The following SH2D1B variants were observed in gnomAD, a reference collection of about 807,000 sequenced individuals.
SH2D1B encodes the protein SH2 domain-containing protein 1B.
A neutral mutation model predicts 16.3 loss-of-function variants in SH2D1B; 11 were observed. The observed-to-expected ratio is 0.67, with a 90% CI of 0.42 to 1.11. SH2D1B has a LOEUF of 1.11. Ranked by LOEUF, SH2D1B falls within the 50% of genes most tolerant of loss-of-function variation. The probability of loss-of-function intolerance (pLI) is 0.00; values close to 1 mark genes in which losing one functional copy is unlikely to be tolerated. For missense variants in SH2D1B, 123 were observed against 153.1 expected, an observed-to-expected ratio of 0.80 and a Z score of 1.04; for synonymous variants, 55 against 56.1, an observed-to-expected ratio of 0.98 and a Z score of 0.09.
At chr1:162,411,516 T>C (rs1648795839) in intron 1 of SH2D1B, among the ~76,000 whole-genome samples, 1 of 152,216 alleles carries the variant, frequency 6.6e-6, no homozygotes, top group Admixed American at 6.5e-5. Flanking sequence ...TTGAAATTTC[T>C]TGAAGAACCC....
rs539522411 is a variant in SH2D1B, at chr1:162,410,847, G to C, written c.134+1036C>G. ...AATTTTGTATTTTTAGTAGAGACGG[G>C]GTTTCTTCGTGTTGGTCAGGCTGGT... On this transcript the variant is annotated intron_variant, in intron 1 of 3. Transcript: ENST00000367929. 3.3e-5 allele frequency among the ~76,000 whole-genome samples: 5 copies of C among 151,794 alleles called. No homozygotes were observed. In the South Asian group the frequency reaches 1.0e-3, roughly 32 times the overall value.
intron 1 of SH2D1B, among the ~76,000 whole-genome samples, chr1:162,408,018 T>G (rs558523310): frequency 1.3e-5 from 2 of 152,372 alleles, no homozygotes; most frequent in South Asian, 4.1e-4. Context: ...AGTGCCCTAA[T>G]GATAGTCCAA....
At chr1:162,397,373 T>C (rs1648403957) in intron 3 of SH2D1B, 58 bp from the exon 4 acceptor site, 1 of 1,588,010 alleles carries the variant, frequency 6.3e-7, no homozygotes. Flanking sequence ...AGAAGTCATA[T>C]CAAACAACCC....
chr1:162,399,116 C>T lies in SH2D1B; in HGVS notation c.199-29G>A, dbSNP rs73031054. The T allele has an allele frequency of 7.1e-3, 11,238 of 1,586,592 alleles. 685 individuals are homozygous for T. The African/African-American group carries it at 0.13, about 19-fold the overall frequency. ...CAAAAATACAAGAAAGGAAATCACT[C>T]ATTATCATGCAATTGCGTGTGAAAT... On this transcript the variant is annotated intron_variant, in intron 2 of 3. Transcript: ENST00000367929.
intron 3 of SH2D1B, among the ~76,000 whole-genome samples, chr1:162,398,376 G>A (rs752140909): frequency 6.6e-6 from 1 of 152,204 alleles, no homozygotes; most frequent in Non-Finnish European, 1.5e-5. Context: ...AAGAGTGTGG[G>A]TAAGGAAGAG....
At chr1:162,401,333 G>A (rs1402251101) in intron 2 of SH2D1B, among the ~76,000 whole-genome samples, 5 of 65,438 alleles carry the variant, frequency 7.6e-5, no homozygotes, top group Non-Finnish European at 1.7e-4. Flanking sequence ...AGAAAAAAAA[G>A]TCTTAAAATA....
chr1:162,411,745 G>A, intron 1 of SH2D1B, 138 bp downstream of exon 1: 1 of 1,152,282 alleles, frequency 8.7e-7, no homozygotes, highest in Non-Finnish European at 1.2e-6. Context: ...TCCTGGCAGT[G>A]TCCATTACTT....
intron 1 of SH2D1B, among the ~76,000 whole-genome samples, chr1:162,409,681 C>T (rs370016955): frequency 6.6e-5 from 10 of 152,180 alleles, no homozygotes; most frequent in African/African-American, 1.7e-4. Flanking sequence ...TGGGTTCAAG[C>T]GATTCTCATG....
chr1:162,401,385 ACATAG>A (rs1376505918), intron 2 of SH2D1B, among the ~76,000 whole-genome samples: 1 of 152,242 alleles, frequency 6.6e-6, no homozygotes, highest in Non-Finnish European at 1.5e-5. Flanking sequence ...ATTATTTCAG[ACATAG>A]CAAAGTTGCA....
intron 2 of SH2D1B, among the ~76,000 whole-genome samples, chr1:162,400,116 T>A (rs943327175): frequency 2.0e-5 from 3 of 152,196 alleles, no homozygotes; most frequent in African/African-American, 7.2e-5. Context: ...ATGCATTTTG[T>A]ATACTTTATG....
chr1:162,403,512 ATATATATATATATATAT>A (rs1427538241), intron 1 of SH2D1B, among the ~76,000 whole-genome samples: 1 of 17,802 alleles, frequency 5.6e-5, no homozygotes, highest in Non-Finnish European at 8.8e-5. Context: ...AAAAAAAAAA[ATATATATATATATATAT>A]ATATATATAT....
rs1338520161 is a variant in SH2D1B, at chr1:162,397,111, G to A, written c.*169C>T. The A allele has an allele frequency of 4.6e-6, 3 of 651,150 alleles. No individual in the cohort carries two copies. Among genetic ancestry groups the A allele is most frequent in the Admixed American group, 2.6e-5 (1 of 38,064 alleles). 40.3% of individuals were successfully genotyped at this position (651,150 alleles called of 1,614,324 possible). A position where few individuals can be genotyped will look rare whatever the true frequency, so the allele number is the denominator to read the frequency against. On this transcript the variant is annotated 3_prime_UTR_variant, in exon 4 of 4. Transcript: ENST00000367929. The stretch of plus-strand genomic sequence containing the variant: ...TGGTATATGTCTGGGAGGCGGGGAT[G>A]TGGAGAGTGACCTCTGGTGCTGGTG...
chr1:162,407,301 A>G (rs1021347707), intron 1 of SH2D1B, among the ~76,000 whole-genome samples: 1 of 152,224 alleles, frequency 6.6e-6, no homozygotes, highest in Non-Finnish European at 1.5e-5. Flanking sequence ...GCAGCAGAGA[A>G]GAAGGGGACA....
chr1:162,407,036 T>C (rs1419092316), intron 1 of SH2D1B, among the ~76,000 whole-genome samples: 5 of 152,242 alleles, frequency 3.3e-5, no homozygotes, highest in Non-Finnish European at 5.9e-5. Flanking sequence ...CATAGCTTTC[T>C]GGTTAGTGCC....
At chr1:162,400,680 G>C (rs1381145041) in intron 2 of SH2D1B, among the ~76,000 whole-genome samples, 4 of 151,874 alleles carry the variant, frequency 2.6e-5, no homozygotes, top group Non-Finnish European at 4.4e-5. Flanking sequence ...AGGCTCAGTG[G>C]CTCATGCCTG....
At chr1:162,410,959 C>CT in intron 1 of SH2D1B, among the ~76,000 whole-genome samples, 2 of 144,752 alleles carry the variant, frequency 1.4e-5, no homozygotes, top group Admixed American at 6.9e-5. Context: ...CCCAGCCACT[C>CT]TTTTTTCTTT....
intron 2 of SH2D1B, among the ~76,000 whole-genome samples, chr1:162,399,458 T>C (rs924851121): frequency 1.7e-4 from 26 of 152,134 alleles, no homozygotes; most frequent in African/African-American, 6.0e-4. Flanking sequence ...CTATCGGAAG[T>C]GGACTTCTGA....
At chr1:162,408,414 C>CTTTTTTTTT (rs34627792) in intron 1 of SH2D1B, among the ~76,000 whole-genome samples, 3 of 128,196 alleles carry the variant, frequency 2.3e-5, no homozygotes, top group South Asian at 2.6e-4. Context: ...TTTTTCTCTT[C>CTTTTTTTTT]TTTTTTTTTT....
intron 2 of SH2D1B, 31 bp downstream of exon 2, chr1:162,402,705 GTGT>G (rs769386626): frequency 5.7e-5 from 89 of 1,565,638 alleles, no homozygotes; most frequent in Middle Eastern, 3.4e-4. Context: ...CCCAACTTTT[GTGT>G]TGTTGTTGTT....
Sources: allele counts gnomAD v4.1 joint callset (sites outside exome capture counted in the v4.1 genomes callset), GRCh38; gene constraint gnomAD v4.1.1; transcripts MANE v1.5; gene names NCBI Gene and HGNC (gene_info 2026-07-23, HGNC 2026-07-21).